Variants in KCTD1 observed in about 807,000 individuals in gnomAD.
KCTD1 encodes the protein potassium channel tetramerization domain containing 1.
KCTD1 carries 24 observed loss-of-function variants against 66.0 expected under a neutral mutation model. That is an observed-to-expected ratio of 0.36 (90% CI 0.26 to 0.51). The LOEUF is 0.51. KCTD1 is among the 20% of genes least tolerant of loss of function. The pLI is 0.95. For missense variants in KCTD1, 943 were observed against 1,205.2 expected, an observed-to-expected ratio of 0.78 and a Z score of 3.22; for synonymous variants, 511 against 517.2, an observed-to-expected ratio of 0.99 and a Z score of 0.16.
chr18:26,479,192 G>A (rs1053340562), intron 2 of KCTD1, among the ~76,000 whole-genome samples: 1 of 152,232 alleles, frequency 6.6e-6, no homozygotes, highest in African/African-American at 2.4e-5. Flanking sequence ...ATAACCTAGA[G>A]GCCGCCTGGG....
chr18:26,502,590 A>G (rs958196662), intron 1 of KCTD1, among the ~76,000 whole-genome samples: 9 of 152,262 alleles, frequency 5.9e-5, no homozygotes, highest in Admixed American at 1.3e-4. Context: ...TTGCTTTTCA[A>G]TTAGAGCCCA....
chr18:26,546,715 T>C lies in KCTD1; in HGVS notation c.1809+13A>G, dbSNP rs989493799. Reference sequence around the variant, plus strand: ...CAAAGAAACATTTCATGCATAGAGTTTGGTTTGGTTACCTGGGTGGGGGAA... The same window carrying C: ...CAAAGAAACATTTCATGCATAGAGTCTGGTTTGGTTACCTGGGTGGGGGAA... On this transcript the variant is annotated intron_variant, in intron 1 of 4. Coordinates refer to ENST00000580059, the MANE Select transcript of KCTD1 (RefSeq NM_001142730.3). 4.1e-5 allele frequency: 63 copies of C among 1,541,070 alleles called. No individual in the cohort carries two copies. In the East Asian group the frequency reaches 1.5e-3, roughly 38 times the overall value.
intron 1 of KCTD1, among the ~76,000 whole-genome samples, chr18:26,564,690 G>A (rs1233504235): frequency 1.3e-5 from 2 of 151,664 alleles, no homozygotes; most frequent in Non-Finnish European, 3.0e-5. Flanking sequence ...AGGAGTTCAA[G>A]ACCAGCCTGA....
intron 4 of KCTD1, chr18:26,456,102 C>T (rs1980074189): frequency 3.6e-6 from 2 of 549,240 alleles, no homozygotes; most frequent in Non-Finnish European, 6.4e-6. Flanking sequence ...TAAAATGTGC[C>T]TTTCATGCTT....
intron 1 of KCTD1, among the ~76,000 whole-genome samples, chr18:26,587,411 T>G (rs564290401): frequency 8.5e-5 from 13 of 152,350 alleles, no homozygotes; most frequent in African/African-American, 3.1e-4. Context: ...CTGATGGAGA[T>G]ATACAGATGA....
At chr18:26,617,861 G>A (rs779185628) in intron 1 of KCTD1, among the ~76,000 whole-genome samples, 3 of 23,930 alleles carry the variant, frequency 1.3e-4, no homozygotes, top group Admixed American at 4.0e-4. Flanking sequence ...GGGAGGGAGG[G>A]AGGGAGGGAG....
At chr18:26,593,949 G>T (rs1261987453) in intron 1 of KCTD1, among the ~76,000 whole-genome samples, 1 of 151,936 alleles carries the variant, frequency 6.6e-6, no homozygotes, top group African/African-American at 2.4e-5. Flanking sequence ...AGAGAAGGGG[G>T]GGAGAAGCAG....
At chr18:26,460,581 T>G (rs371880922) in intron 3 of KCTD1, among the ~76,000 whole-genome samples, 1 of 152,254 alleles carries the variant, frequency 6.6e-6, no homozygotes, top group East Asian at 1.9e-4. Flanking sequence ...GGAAGGCTAG[T>G]GTACTGCCCT....
At chr18:26,544,907 A>G (rs1298578286) in intron 1 of KCTD1, 3 of 152,220 alleles carry the variant, frequency 2.0e-5, no homozygotes, top group Middle Eastern at 3.2e-3. Context: ...TGGACACTCA[A>G]ATCTATATTT....
In KCTD1 at chr18:26,547,637, G is replaced by A; in HGVS notation, c.900C>T (p.Thr300=). The A allele has an allele frequency of 6.4e-7, 1 of 1,551,618 alleles. No individual in the cohort carries two copies. The highest frequency in any genetic ancestry group is 1.2e-5 in the South Asian group (1 of 84,058). ...TGTTGAGCAGCCCGAAGGGCGTGTTGGTGCTGAAGACGCTGGAGGTGTACA... is the reference window on the plus strand; with the variant it reads ...TGTTGAGCAGCCCGAAGGGCGTGTTAGTGCTGAAGACGCTGGAGGTGTACA... ...RKLYTSSVFS[T]NTPFGLLNKV... The change falls in exon 1 of 5, where the codon ACC becomes ACT. Residue 300 remains threonine, a synonymous_variant. Coordinates refer to ENST00000580059, the MANE Select transcript of KCTD1 (RefSeq NM_001142730.3).
At chr18:26,478,110 A>G (rs1251305506) in intron 2 of KCTD1, among the ~76,000 whole-genome samples, 1 of 152,228 alleles carries the variant, frequency 6.6e-6, no homozygotes, top group Non-Finnish European at 1.5e-5. Flanking sequence ...AAAAAGAATG[A>G]GATTTGTTTG....
At chr18:26,613,273 C>A (rs1987176384) in intron 1 of KCTD1, among the ~76,000 whole-genome samples, 1 of 138,960 alleles carries the variant, frequency 7.2e-6, no homozygotes, top group African/African-American at 2.7e-5. Flanking sequence ...ATTTTAGTTC[C>A]TGTCTTGTTT....
intron 1 of KCTD1, among the ~76,000 whole-genome samples, chr18:26,514,122 C>T (rs1019692273): frequency 4.6e-5 from 7 of 152,098 alleles, no homozygotes; most frequent in Non-Finnish European, 8.8e-5. Flanking sequence ...TTGAGATTCC[C>T]CTGTAGAACA....
chr18:26,615,219 T>A (rs1160643120), intron 1 of KCTD1, among the ~76,000 whole-genome samples: 1 of 152,104 alleles, frequency 6.6e-6, no homozygotes, highest in Non-Finnish European at 1.5e-5. Flanking sequence ...GTCCTGAGGC[T>A]CAGCAGACTG....
intron 1 of KCTD1, among the ~76,000 whole-genome samples, chr18:26,620,909 T>C (rs12150814): frequency 0.56 from 83,541 of 148,210 alleles, 24,808 homozygotes; most frequent in Middle Eastern, 0.73. Context: ...CTCGGCTCAC[T>C]GCAAACTCCG....
At chr18:26,614,963 CT>C (rs557526765) in intron 1 of KCTD1, among the ~76,000 whole-genome samples, 6 of 152,250 alleles carry the variant, frequency 3.9e-5, no homozygotes, top group Non-Finnish European at 8.8e-5. Context: ...CAAATAACAG[CT>C]TGCCTTCATT....
chr18:26,605,412 C>T (rs538051915), intron 1 of KCTD1, among the ~76,000 whole-genome samples: 3 of 152,266 alleles, frequency 2.0e-5, no homozygotes, highest in Admixed American at 2.0e-4. Context: ...ACCTGAATTA[C>T]TATGGTACTG....
intron 1 of KCTD1, among the ~76,000 whole-genome samples, chr18:26,628,503 T>C (rs1239604731): frequency 6.6e-6 from 1 of 151,786 alleles, no homozygotes; most frequent in Non-Finnish European, 1.5e-5. Context: ...TCTTCAAACA[T>C]GCCAAAGGCA....
chr18:26,467,135 TG>T (rs946244670), intron 3 of KCTD1, among the ~76,000 whole-genome samples: 3 of 142,470 alleles, frequency 2.1e-5, no homozygotes, highest in Admixed American at 2.0e-4. Flanking sequence ...CGGTATAGTT[TG>T]TTTTTTTTTT....
Sources: gnomAD v4.1 joint callset for allele counts (sites outside exome capture counted in the v4.1 genomes callset) on GRCh38, gnomAD v4.1.1 for gene constraint, MANE v1.5 for transcripts, NCBI Gene and HGNC (gene_info 2026-07-23, HGNC 2026-07-21) for gene names.